KDM4C: variants seen among roughly 807,000 people sequenced by gnomAD.
The protein encoded by KDM4C is lysine demethylase 4C.
Under a neutral mutation model 129.3 loss-of-function variants are expected in KDM4C, and 81 were observed. That is an observed-to-expected ratio of 0.63 (90% CI 0.52 to 0.75). The LOEUF is 0.75. Among genes scored for constraint, KDM4C ranks in the 30% least tolerant of loss-of-function variants. KDM4C has a pLI of 0.00. For missense variants in KDM4C, 1,457 were observed against 1,304.0 expected (o/e 1.12, Z -1.81); for synonymous variants, 573 against 456.1 (o/e 1.26, Z -3.26).
chr9:6,784,045 A>C (rs1318450868), intron 1 of KDM4C, among the ~76,000 whole-genome samples: 1 of 152,082 alleles, frequency 6.6e-6, no homozygotes, highest in Non-Finnish European at 1.5e-5. Flanking sequence ...CTCATGGAAG[A>C]TATTTAATTT....
chr9:7,128,197 T>C lies in KDM4C; in HGVS notation c.2742T>C (p.Asp914=), dbSNP rs1191234567. The stretch of plus-strand genomic sequence containing the variant: ...CCTTCTATGAGGTCATGTTTGATGA[T>C]GGCTCCTTTAGCAGAGACACATTTC... ...SQTFYEVMFD[D]GSFSRDTFPE... The change falls in exon 19 of 22, where the codon GAT becomes GAC. Residue 914 remains aspartate, a synonymous_variant. Coordinates refer to ENST00000381309, the MANE Select transcript of KDM4C (RefSeq NM_015061.6). 4 of 1,609,854 alleles carry C rather than the reference T, an allele frequency of 2.5e-6. No homozygotes were observed. The South Asian group carries it at 4.4e-5, about 18-fold the overall frequency.
intron 12 of KDM4C, among the ~76,000 whole-genome samples, chr9:7,010,850 C>T (rs546527767): frequency 6.6e-6 from 1 of 152,178 alleles, no homozygotes; most frequent in South Asian, 2.1e-4. Flanking sequence ...TCTAGACCAG[C>T]CTGGCCATCA....
chr9:7,065,753 A>G (rs1025178236), intron 17 of KDM4C, among the ~76,000 whole-genome samples: 1 of 152,164 alleles, frequency 6.6e-6, no homozygotes, highest in African/African-American at 2.4e-5. Context: ...AGCTTATAAT[A>G]TGCTGGCCAT....
At chr9:6,853,845 G>C (rs187647323) in intron 5 of KDM4C, among the ~76,000 whole-genome samples, 1 of 152,106 alleles carries the variant, frequency 6.6e-6, no homozygotes, top group African/African-American at 2.4e-5. Context: ...GAATGACTTA[G>C]GGCAAATCAC....
At chr9:6,839,013 A>G (rs1158805468) in intron 4 of KDM4C, among the ~76,000 whole-genome samples, 1 of 152,120 alleles carries the variant, frequency 6.6e-6, no homozygotes, top group African/African-American at 2.4e-5. Context: ...ATTTTATGTT[A>G]TTTTTTCTCC....
At chr9:7,157,296 C>G (rs886434015) in intron 19 of KDM4C, among the ~76,000 whole-genome samples, 2 of 152,192 alleles carry the variant, frequency 1.3e-5, no homozygotes, top group African/African-American at 4.8e-5. Flanking sequence ...ATGTCATGTG[C>G]AGACAGGGAC....
chr9:7,105,728 G>C (rs577172418), intron 18 of KDM4C, among the ~76,000 whole-genome samples: 3 of 152,264 alleles, frequency 2.0e-5, no homozygotes, highest in African/African-American at 7.2e-5. Flanking sequence ...ATATTCCAAA[G>C]CCCTGTGGTT....
chr9:6,849,659 C>G lies in KDM4C; in HGVS notation c.588C>G (p.Leu196=), dbSNP rs1838472398. The G allele has an allele frequency of 1.9e-6, 3 of 1,608,918 alleles. No individual in the cohort carries two copies. Among genetic ancestry groups the G allele is most frequent in the Non-Finnish European group, 2.6e-6 (3 of 1,176,042 alleles). The change falls in exon 5 of 22, where the codon CTC becomes CTG. Residue 196 remains leucine (L), a synonymous_variant. Transcript: ENST00000381309. ...CATGGCACACCGAAGACATGGACCT[C>G]TATAGCATTAATTATCTCCACTTTG... ...TFAWHTEDMD[L]YSINYLHFGE...
At chr9:6,801,840 C>G (rs570743154) in intron 2 of KDM4C, among the ~76,000 whole-genome samples, 1 of 152,192 alleles carries the variant, frequency 6.6e-6, no homozygotes, top group African/African-American at 2.4e-5. Context: ...CGCGGTGGCT[C>G]ATGCCTGTAA....
intron 12 of KDM4C, among the ~76,000 whole-genome samples, chr9:6,996,269 T>G (rs1819730567): frequency 6.6e-6 from 1 of 152,222 alleles, no homozygotes; most frequent in African/African-American, 2.4e-5. Context: ...AGAACTTCCC[T>G]TGAAGTGACG....
chr9:6,775,848 C>G (rs1267858932), intron 1 of KDM4C, among the ~76,000 whole-genome samples: 1 of 152,132 alleles, frequency 6.6e-6, no homozygotes, highest in Non-Finnish European at 1.5e-5. Flanking sequence ...AGTTGCACTG[C>G]TGATGTTTTG....
In KDM4C at chr9:6,986,676, A is replaced by G. The variant is rs1323381401; in HGVS notation, c.1677+10A>G. ...CTTCAAAGTCCCCAGTGTATGTGGCAATATCCATTTTTTACCATATTCATT... is the reference window on the plus strand; with the variant it reads ...CTTCAAAGTCCCCAGTGTATGTGGCGATATCCATTTTTTACCATATTCATT... On this transcript the variant is annotated intron_variant, in intron 11 of 21. Coordinates refer to ENST00000381309, the MANE Select transcript of KDM4C (RefSeq NM_015061.6). 1 of 1,575,372 alleles carries G rather than the reference A, an allele frequency of 6.3e-7. No individual in the cohort carries two copies.
chr9:6,750,172 G>A (rs953645859), intron 1 of KDM4C, among the ~76,000 whole-genome samples: 1 of 151,844 alleles, frequency 6.6e-6, no homozygotes, highest in African/African-American at 2.4e-5. Flanking sequence ...CAGGCACGGT[G>A]GCTCATATCT....
At chr9:6,898,186 A>G (rs1163185586) in intron 8 of KDM4C, among the ~76,000 whole-genome samples, 2 of 152,102 alleles carry the variant, frequency 1.3e-5, no homozygotes, top group Non-Finnish European at 2.9e-5. Flanking sequence ...TTTGGCTTAG[A>G]TTTTCAGCTT....
chr9:6,849,446 T>C, intron 4 of KDM4C, 61 bp from the exon 5 acceptor site: 2 of 1,388,644 alleles, frequency 1.4e-6, no homozygotes, highest in Non-Finnish European at 1.9e-6. Context: ...GATTAGTAAA[T>C]GCTATCTTTC....
intron 8 of KDM4C, among the ~76,000 whole-genome samples, chr9:6,908,982 G>A (rs1244171403): frequency 1.3e-5 from 2 of 152,036 alleles, no homozygotes; most frequent in Admixed American, 6.6e-5. Context: ...AAAGCAATTT[G>A]GACTCCCTTT....
intron 5 of KDM4C, among the ~76,000 whole-genome samples, chr9:6,857,588 C>G (rs1202348621): frequency 6.6e-6 from 1 of 152,034 alleles, no homozygotes; most frequent in Non-Finnish European, 1.5e-5. Flanking sequence ...AAGTCTCACT[C>G]TTTTTTCCTG....
intron 1 of KDM4C, among the ~76,000 whole-genome samples, chr9:6,777,270 C>T (rs1823285397): frequency 6.6e-6 from 1 of 152,210 alleles, no homozygotes; most frequent in Non-Finnish European, 1.5e-5. Context: ...AAGCTCTCTA[C>T]TCCTTTCTGC....
At chr9:7,138,603 C>G (rs1246240892) in intron 19 of KDM4C, among the ~76,000 whole-genome samples, 1 of 151,890 alleles carries the variant, frequency 6.6e-6, no homozygotes, top group Non-Finnish European at 1.5e-5. Context: ...TTATTTGAGT[C>G]CAGGAGTTTG....
Sources: gnomAD v4.1 joint callset for allele counts (sites outside exome capture counted in the v4.1 genomes callset) on GRCh38, gnomAD v4.1.1 for gene constraint, MANE v1.5 for transcripts, NCBI Gene and HGNC (gene_info 2026-07-23, HGNC 2026-07-21) for gene names.